Variants in EPM2A observed in about 807,000 individuals in gnomAD.
EPM2A encodes EPM2A glucan phosphatase, laforin.
In EPM2A, 21 loss-of-function variants were observed where a neutral mutation model predicts 26.5. That is an observed-to-expected ratio of 0.79 (90% CI 0.56 to 1.14). EPM2A has a LOEUF of 1.14. EPM2A is among the 50% of genes most tolerant of loss of function. EPM2A has a pLI of 0.00. For synonymous variants in EPM2A, 217 were observed against 177.6 expected, an observed-to-expected ratio of 1.22 and a Z score of -1.76; for missense variants, 458 against 440.8, an observed-to-expected ratio of 1.04 and a Z score of -0.35.
At chr6:145,643,746 C>T (rs1777252471) in intron 2 of EPM2A, among the ~76,000 whole-genome samples, 1 of 151,988 alleles carries the variant, frequency 6.6e-6, no homozygotes, top group African/African-American at 2.4e-5. Context: ...TTAATGTCTT[C>T]TTCACTGCCA....
chr6:145,699,041 G>A (rs1379807307), intron 1 of EPM2A, among the ~76,000 whole-genome samples: 2 of 152,150 alleles, frequency 1.3e-5, no homozygotes, highest in East Asian at 1.9e-4. Flanking sequence ...GTGGTATTTT[G>A]TTATGGCAGT....
chr6:145,501,053 A>G (rs1410608839), downstream of EPM2A, among the ~76,000 whole-genome samples: 1 of 152,228 alleles, frequency 6.6e-6, no homozygotes, highest in Admixed American at 6.5e-5. Flanking sequence ...AATAATGCCA[A>G]CTAACATTTT....
intron 4 of EPM2A, among the ~76,000 whole-genome samples, chr6:145,429,475 T>C (rs898400263): frequency 2.0e-5 from 3 of 152,258 alleles, no homozygotes; most frequent in Non-Finnish European, 4.4e-5. Flanking sequence ...ATTACAATGT[T>C]CTGAAATAAT....
chr6:145,563,278 A>G (rs796909724), intron 2 of EPM2A, among the ~76,000 whole-genome samples: 9 of 152,070 alleles, frequency 5.9e-5, no homozygotes, highest in African/African-American at 2.2e-4. Flanking sequence ...AAACATAAAA[A>G]AAAATGCAGT....
chr6:145,652,460 T>C lies in EPM2A; in HGVS notation c.477-16974A>G, dbSNP rs374902434. On this transcript the variant is annotated intron_variant, in intron 2 of 3. Transcript: ENST00000367519. ...ATCCTGTCAATTTTCTGAAGGTGTTTACAAGACAGAACATATGAACTTTTA... is the reference window on the plus strand; with the variant it reads ...ATCCTGTCAATTTTCTGAAGGTGTTCACAAGACAGAACATATGAACTTTTA... Among the ~76,000 whole-genome samples, 4 of 152,252 alleles carry C rather than the reference T, an allele frequency of 2.6e-5. No homozygotes were observed. The East Asian group carries it at 7.7e-4, about 29-fold the overall frequency.
intron 2 of EPM2A, among the ~76,000 whole-genome samples, chr6:145,595,996 G>A (rs554432564): frequency 3.3e-5 from 5 of 152,192 alleles, no homozygotes; most frequent in South Asian, 2.1e-4. Flanking sequence ...ATAGATGTTA[G>A]TAACAAAATG....
At chr6:145,627,783 G>A in intron 3 of EPM2A, 90 bp from the exon 4 acceptor site, 1 of 1,532,714 alleles carries the variant, frequency 6.5e-7, no homozygotes, top group South Asian at 1.2e-5. Flanking sequence ...TGAAATCACA[G>A]GGCTGCACAG....
At chr6:145,465,177 T>G (rs1443658314) in intron 4 of EPM2A, among the ~76,000 whole-genome samples, 1 of 152,020 alleles carries the variant, frequency 6.6e-6, no homozygotes, top group Admixed American at 6.6e-5. Flanking sequence ...CTCATTTCTT[T>G]TTATTCTTTT....
rs447932 is a variant in EPM2A, at chr6:145,501,834, C to T, written c.408G>A (p.Gly136=). 1.9e-3 allele frequency: 915 copies of T among 470,966 alleles called. 1 individual carries two copies. The highest frequency in any genetic ancestry group is 2.9e-3 in the Non-Finnish European group (664 of 227,016). The allele number at this position is 470,966 out of a possible 1,614,324, so 29.2% of individuals were successfully genotyped here. A position where few individuals can be genotyped will look rare whatever the true frequency, so the allele number is the denominator to read the frequency against. Residue 136 remains glycine (G), a synonymous_variant, in exon 4 of 4, where the codon GGG becomes GGA. Transcript: ENST00000450221. Reference sequence around the variant, plus strand: ...ACTTTTGTTTTAAGTAATCCAGAATCCCAAGGCCAAAATCTAAAAGAAGAC... The same window carrying T: ...ACTTTTGTTTTAAGTAATCCAGAATTCCAAGGCCAAAATCTAAAAGAAGAC...
At chr6:145,489,354 AATAG>A (rs1179729948) in intron 4 of EPM2A, among the ~76,000 whole-genome samples, 1 of 152,210 alleles carries the variant, frequency 6.6e-6, no homozygotes, top group Non-Finnish European at 1.5e-5. Flanking sequence ...CCACAATGAA[AATAG>A]ATACAGTCAT....
chr6:145,557,754 TCTA>T (rs988951301), intron 2 of EPM2A, among the ~76,000 whole-genome samples: 1 of 152,128 alleles, frequency 6.6e-6, no homozygotes, highest in Admixed American at 6.6e-5. Context: ...TTAAAACTAC[TCTA>T]CTGTCTCAAC....
intron 2 of EPM2A, among the ~76,000 whole-genome samples, chr6:145,577,766 T>A (rs1427906732): frequency 1.3e-5 from 2 of 152,016 alleles, no homozygotes; most frequent in Non-Finnish European, 2.9e-5. Flanking sequence ...CATTAGCACA[T>A]GAAACATACT....
intron 2 of EPM2A, among the ~76,000 whole-genome samples, chr6:145,642,650 G>A (rs1777170289): frequency 6.6e-6 from 1 of 152,162 alleles, no homozygotes; most frequent in Non-Finnish European, 1.5e-5. Flanking sequence ...AGGGGAACGA[G>A]ATTTTAGATA....
intron 2 of EPM2A, among the ~76,000 whole-genome samples, chr6:145,619,162 A>G (rs900023395): frequency 6.6e-6 from 1 of 152,018 alleles, no homozygotes; most frequent in African/African-American, 2.4e-5. Flanking sequence ...GGTCTGGCAA[A>G]AAAAAAAAAT....
At chr6:145,533,675 T>A (rs1195451711) in intron 2 of EPM2A, among the ~76,000 whole-genome samples, 6 of 152,144 alleles carry the variant, frequency 3.9e-5, no homozygotes, top group Non-Finnish European at 7.3e-5. Context: ...TGGGTCTACT[T>A]CATATATCAG....
intron 4 of EPM2A, among the ~76,000 whole-genome samples, chr6:145,469,236 A>G (rs1448559451): frequency 6.6e-6 from 1 of 152,080 alleles, no homozygotes; most frequent in Non-Finnish European, 1.5e-5. Context: ...GAACTCACTC[A>G]CTATCACAAA....
intron 2 of EPM2A, among the ~76,000 whole-genome samples, chr6:145,601,696 T>C (rs1000202370): frequency 6.6e-6 from 1 of 152,184 alleles, no homozygotes; most frequent in African/African-American, 2.4e-5. Flanking sequence ...AAGGAAACAT[T>C]TATCCTTCTG....
intron 4 of EPM2A, among the ~76,000 whole-genome samples, chr6:145,416,578 C>T (rs1015756293): frequency 2.0e-5 from 3 of 152,040 alleles, no homozygotes; most frequent in African/African-American, 4.8e-5. Context: ...ATAAGGATAA[C>T]GTAGGGAGAT....
At chr6:145,547,381 C>T (rs1024132855) in intron 2 of EPM2A, among the ~76,000 whole-genome samples, 7 of 152,052 alleles carry the variant, frequency 4.6e-5, no homozygotes, top group Admixed American at 1.3e-4. Context: ...AGGCTCTGGT[C>T]ACTACAGTTC....
Sources: allele counts gnomAD v4.1 joint callset (sites outside exome capture counted in the v4.1 genomes callset), GRCh38; gene constraint gnomAD v4.1.1; transcripts MANE v1.5; gene names NCBI Gene and HGNC (gene_info 2026-07-23, HGNC 2026-07-21).